The following SNX30 variants were observed in gnomAD, a reference collection of about 807,000 sequenced individuals.
SNX30 encodes sorting nexin family member 30.
A neutral mutation model predicts 46.4 loss-of-function variants in SNX30; 24 were observed. That is an observed-to-expected ratio of 0.52 (90% CI 0.37 to 0.73). SNX30 has a LOEUF of 0.73. Among genes scored for constraint, SNX30 ranks in the 30% least tolerant of loss-of-function variants. The pLI, the probability that SNX30 is intolerant of heterozygous loss-of-function variation, is 0.00. For synonymous variants in SNX30, 189 were observed against 211.5 expected (o/e 0.89, Z 0.92); for missense variants, 533 against 555.7 (o/e 0.96, Z 0.41).
intron 1 of SNX30, among the ~76,000 whole-genome samples, chr9:112,784,357 C>G (rs575626969): frequency 6.6e-6 from 1 of 152,178 alleles, no homozygotes; most frequent in Admixed American, 6.5e-5. Context: ...TTGCAGCTTG[C>G]TGCTTAACAG....
At chr9:112,848,640 G>A (rs1840976374) in intron 6 of SNX30, among the ~76,000 whole-genome samples, 2 of 152,236 alleles carry the variant, frequency 1.3e-5, no homozygotes, top group African/African-American at 4.8e-5. Flanking sequence ...GCTGTCCAGT[G>A]ATGCAGGGCT....
intron 8 of SNX30, among the ~76,000 whole-genome samples, chr9:112,865,775 G>GTATATA (rs113754962): frequency 1.4e-5 from 2 of 143,776 alleles, no homozygotes; most frequent in East Asian, 4.1e-4. Flanking sequence ...ATGTATGTAT[G>GTATATA]TATATATATA....
intron 2 of SNX30, among the ~76,000 whole-genome samples, chr9:112,812,588 T>C (rs566446653): frequency 6.6e-6 from 1 of 152,324 alleles, no homozygotes; most frequent in Non-Finnish European, 1.5e-5. Context: ...TCTTACGTTA[T>C]TGCTTTCCAA....
chr9:112,779,160 T>G (rs1839803407), intron 1 of SNX30, among the ~76,000 whole-genome samples: 1 of 152,246 alleles, frequency 6.6e-6, no homozygotes, highest in African/African-American at 2.4e-5. Context: ...ATTCTCTTCA[T>G]CTGTGGCCTT....
chr9:112,751,144 G>A lies in SNX30; in HGVS notation c.143G>A (p.Ser48Asn). The A allele has an allele frequency of 6.6e-7, 1 of 1,519,246 alleles. No homozygotes were observed. The highest frequency in any genetic ancestry group is 8.8e-7 in the Non-Finnish European group (1 of 1,140,414). The allele number at this position is 1,519,246 out of a possible 1,614,324, so 94.1% of individuals were successfully genotyped here. ...AGCCCGGACCTGCTGATGGCCCGCA[G>A]CTTCGGTGACAAGGTGGGGCGCCTG... ...TPSPDLLMAR[S>N]FGDKDLILPN... Residue 48 changes from serine to asparagine, a missense_variant, in exon 1 of 9, where the codon AGC becomes AAC. By Grantham distance (46) the Ser-to-Asn change is conservative (BLOSUM62 1). Coordinates refer to ENST00000374232, the MANE Select transcript of SNX30 (RefSeq NM_001012994.2).
At chr9:112,868,145 C>T (rs956612326) in intron 8 of SNX30, among the ~76,000 whole-genome samples, 2 of 152,122 alleles carry the variant, frequency 1.3e-5, no homozygotes, top group Non-Finnish European at 2.9e-5. Flanking sequence ...GTGTATGTGT[C>T]GAGTAATAAT....
chr9:112,750,924 GGCCCGGGGT>G lies in SNX30; in HGVS notation c.-75_-67del, dbSNP rs1839262901. ...GTTAAGCGGCGGCCGAGCGGGGCTCGGCCCGGGGTGCTCGGGGAGCTCGCCGCGGCGGGC... is the reference window on the plus strand; with the variant it reads ...GTTAAGCGGCGGCCGAGCGGGGCTCGGCTCGGGGAGCTCGCCGCGGCGGGC... On this transcript the variant is annotated 5_prime_UTR_variant, in exon 1 of 9. Transcript: ENST00000374232. 7.0e-6 allele frequency: 8 copies of G among 1,149,078 alleles called. No homozygotes were observed. Among genetic ancestry groups the G allele is most frequent in the Admixed American group, 9.5e-5 (2 of 20,968 alleles). 71.2% of individuals were successfully genotyped at this position (1,149,078 alleles called of 1,614,324 possible). A position where few individuals can be genotyped will look rare whatever the true frequency, so the allele number is the denominator to read the frequency against.
intron 3 of SNX30, among the ~76,000 whole-genome samples, chr9:112,822,851 C>T (rs1157421096): frequency 6.6e-6 from 1 of 152,168 alleles, no homozygotes; most frequent in Admixed American, 6.5e-5. Flanking sequence ...GTAGACATTG[C>T]CCACCTGTGA....
intron 4 of SNX30, among the ~76,000 whole-genome samples, chr9:112,831,271 A>G (rs1219730734): frequency 6.6e-6 from 1 of 151,912 alleles, no homozygotes; most frequent in East Asian, 1.9e-4. Flanking sequence ...GCTTTTTTGC[A>G]TTAGCAAATC....
chr9:112,804,845 A>G lies in SNX30; in HGVS notation c.226A>G (p.Asn76Asp). ...SSPASSSSLL[N>D]RLQLDDDIDG... is the part of the protein sequence containing the mutation. Reference sequence around the variant, plus strand: ...TCCAGCTTCTTCATCTTCCCTTCTCAACAGACTTCAGCTTGATGATGATAT... The same window carrying G: ...TCCAGCTTCTTCATCTTCCCTTCTCGACAGACTTCAGCTTGATGATGATAT... Residue 76 changes from asparagine (N) to aspartate (D), a missense_variant, in exon 2 of 9, where the codon AAC becomes GAC. By Grantham distance (23) the Asn-to-Asp change is conservative. Transcript: ENST00000374232. The G allele has an allele frequency of 6.2e-7, 1 of 1,613,974 alleles. No homozygotes were observed. The highest frequency in any genetic ancestry group is 8.5e-7 in the Non-Finnish European group (1 of 1,179,946).
chr9:112,793,112 C>T (rs1466276881), intron 1 of SNX30, among the ~76,000 whole-genome samples: 1 of 152,164 alleles, frequency 6.6e-6, no homozygotes, highest in Non-Finnish European at 1.5e-5. Context: ...TATTTGCCCC[C>T]ATCAGAACAA....
rs1183480700 is a variant in SNX30 at position 112,870,862 on chromosome 9, T to C, written c.*2019T>C. 1 of 152,242 alleles carries C rather than the reference T, an allele frequency of 6.6e-6. No homozygotes were observed. Among genetic ancestry groups the C allele is most frequent in the African/African-American group, 2.4e-5 (1 of 41,468 alleles). 9.4% of individuals were successfully genotyped at this position (152,242 alleles called of 1,614,324 possible). Reference sequence around the variant, plus strand: ...AAGCTTTACCTTGGGGAAGGTATGCTTTACAAATGTCCAGTGTAATGAATG... The same window carrying C: ...AAGCTTTACCTTGGGGAAGGTATGCCTTACAAATGTCCAGTGTAATGAATG... On this transcript the variant is annotated 3_prime_UTR_variant, in exon 9 of 9. Transcript: ENST00000374232.
At chr9:112,795,775 A>T (rs1034569825) in intron 1 of SNX30, among the ~76,000 whole-genome samples, 18 of 151,778 alleles carry the variant, frequency 1.2e-4, no homozygotes, top group African/African-American at 3.1e-4. Context: ...TCACACACAC[A>T]CACACACACA....
chr9:112,804,642 G>A (rs1292945419), intron 1 of SNX30, 134 bp from the exon 2 acceptor site: 1 of 673,586 alleles, frequency 1.5e-6, no homozygotes, highest in Non-Finnish European at 2.5e-6. Flanking sequence ...ACACTGAGTA[G>A]GGAGAGGCTC....
exon 5 of SNX30, chr9:112,880,121 A>G (rs1393260070): frequency 4.2e-6 from 1 of 238,730 alleles, no homozygotes; most frequent in African/African-American, 2.2e-5. Context: ...ACCTGAAGTC[A>G]GGAGTTCGAG....
chr9:112,869,043 A>G lies in SNX30; in HGVS notation c.*200A>G, dbSNP rs1841404594. On this transcript the variant is annotated 3_prime_UTR_variant, in exon 9 of 9. Transcript: ENST00000374232. ...ATTCCATGGTGGAGTCTGTGAGGCTAGAATATCTCTCAGCAAGAGCAGCAT... is the reference window on the plus strand; with the variant it reads ...ATTCCATGGTGGAGTCTGTGAGGCTGGAATATCTCTCAGCAAGAGCAGCAT... The G allele has an allele frequency of 1.7e-6, 1 of 592,736 alleles. No homozygotes were observed. Among genetic ancestry groups the G allele is most frequent in the South Asian group, 1.9e-5 (1 of 51,822 alleles). The allele number at this position is 592,736 out of a possible 1,614,324, so 36.7% of individuals were successfully genotyped here. A position where few individuals can be genotyped will look rare whatever the true frequency, so the allele number is the denominator to read the frequency against.
chr9:112,761,950 G>T (rs1359630601), intron 1 of SNX30, among the ~76,000 whole-genome samples: 2 of 152,174 alleles, frequency 1.3e-5, no homozygotes, highest in Admixed American at 1.3e-4. Flanking sequence ...TGACAATAAA[G>T]TAGGGGGTAG....
chr9:112,781,204 G>A (rs1839840690), intron 1 of SNX30, among the ~76,000 whole-genome samples: 1 of 151,912 alleles, frequency 6.6e-6, no homozygotes, highest in Admixed American at 6.6e-5. Context: ...ACAATATCTT[G>A]TTTTCATTTT....
At chr9:112,768,252 C>T (rs1009000661) in intron 1 of SNX30, among the ~76,000 whole-genome samples, 1 of 152,204 alleles carries the variant, frequency 6.6e-6, no homozygotes, top group African/African-American at 2.4e-5. Flanking sequence ...CGAATTCTTG[C>T]TTTCCCACCC....
Sources: gnomAD v4.1 joint callset for allele counts (sites outside exome capture counted in the v4.1 genomes callset) on GRCh38, gnomAD v4.1.1 for gene constraint, MANE v1.5 for transcripts, NCBI Gene and HGNC (gene_info 2026-07-23, HGNC 2026-07-21) for gene names.